The following WASHC5 variants were observed in gnomAD, a reference collection of about 807,000 sequenced individuals.
The protein encoded by WASHC5 is WASH complex subunit strumpellin.
In WASHC5, 101 loss-of-function variants were observed where a neutral mutation model predicts 150.4. The observed-to-expected ratio is 0.67, with a 90% CI of 0.57 to 0.79. The LOEUF (loss-of-function observed/expected upper bound fraction) is 0.79, where lower values mean the gene tolerates loss of function less well. Among genes scored for constraint, WASHC5 ranks in the 30% least tolerant of loss-of-function variants. The probability of loss-of-function intolerance (pLI) is 0.00; values close to 1 mark genes in which losing one functional copy is unlikely to be tolerated. For missense variants in WASHC5, 1,195 were observed against 1,396.3 expected (o/e 0.86, Z 2.30); for synonymous variants, 467 against 491.2 (o/e 0.95, Z 0.65).
intron 9 of WASHC5, among the ~76,000 whole-genome samples, chr8:125,071,726 T>C (rs995678577): frequency 2.0e-5 from 3 of 152,180 alleles, no homozygotes; most frequent in Admixed American, 1.3e-4. Context: ...GACCTTGAAT[T>C]AGTTTCCCGC....
At position 125,032,310 on chromosome 8, in the gene WASHC5, GA is replaced by G. The variant is rs1815566160; in HGVS notation, c.3265del (p.Ser1089ProfsTer10). On this transcript the variant is annotated frameshift_variant, in exon 27 of 29. Transcript: ENST00000318410. LOFTEE classifies it high-confidence loss of function. ...GLLTLLKQFHSRYTEQFLALI... is the reference protein window; with the variant it reads ...GLLTLLKQFHXRYTEQFLALI... Reference sequence around the variant, plus strand: ...CGCCAGGAACTGCTCGGTGTACCGGGAATGGAACTGCTTCAGCAGAGTGAGC... The same window carrying G: ...CGCCAGGAACTGCTCGGTGTACCGGGATGGAACTGCTTCAGCAGAGTGAGC... The G allele has an allele frequency of 6.2e-7, 1 of 1,614,168 alleles. No individual in the cohort carries two copies. Among genetic ancestry groups the G allele is most frequent in the African/African-American group, 1.3e-5 (1 of 75,044 alleles).
chr8:125,060,223 A>C (rs940323462), intron 12 of WASHC5, among the ~76,000 whole-genome samples: 2 of 151,972 alleles, frequency 1.3e-5, no homozygotes, highest in African/African-American at 4.9e-5. Context: ...ACGGTGGCTC[A>C]TGCCTGTAAT....
rs934414576 is a variant in WASHC5 at position 125,037,286 on chromosome 8, A to C, written c.3132T>G (p.Phe1044Leu). ...KRLPYFPIVN[F>L]LFLIAQLPKL... ...TTGGCAACTGAGCGATCAAAAATAG[A>C]AAGTTTACAATTGGAAAATAGGGTA... is the stretch of plus-strand genomic sequence containing the variant. The change falls in exon 26 of 29, where the codon TTT (phenylalanine) becomes TTG (leucine). Residue 1044 changes from phenylalanine (F) to leucine (L), a missense_variant. By Grantham distance (22) the Phe-to-Leu change is conservative. This residue lies in a region of WASHC5 where 997 missense variants were observed against 1,168.1 expected (regional missense o/e 0.85). Transcript: ENST00000318410. The C allele has an allele frequency of 2.5e-6, 4 of 1,612,828 alleles. No homozygotes were observed. The highest frequency in any genetic ancestry group is 3.4e-6 in the Non-Finnish European group (4 of 1,178,904).
chr8:125,048,564 A>G (rs192935263), intron 19 of WASHC5, among the ~76,000 whole-genome samples: 11 of 152,310 alleles, frequency 7.2e-5, no homozygotes. Context: ...GACGTGGAGA[A>G]ACTGGAACCC....
At chr8:125,042,071 A>G (rs919874288) in intron 23 of WASHC5, among the ~76,000 whole-genome samples, 6 of 152,174 alleles carry the variant, frequency 3.9e-5, no homozygotes, top group Non-Finnish European at 8.8e-5. Flanking sequence ...TGCACAATGA[A>G]TCTTTGTTAG....
At chr8:125,053,783 T>C (rs1816320145) in intron 17 of WASHC5, among the ~76,000 whole-genome samples, 1 of 152,072 alleles carries the variant, frequency 6.6e-6, no homozygotes, top group Non-Finnish European at 1.5e-5. Flanking sequence ...AAAAGCACCA[T>C]AAACTATATG....
intron 4 of WASHC5, 110 bp downstream of exon 4, chr8:125,082,273 G>T: frequency 1.4e-6 from 1 of 692,320 alleles, no homozygotes; most frequent in Non-Finnish European, 2.6e-6. Flanking sequence ...AGCTCATTTC[G>T]CTTCTCTTTA....
At chr8:125,073,759 G>C (rs1049535257) in intron 8 of WASHC5, among the ~76,000 whole-genome samples, 2 of 152,216 alleles carry the variant, frequency 1.3e-5, no homozygotes, top group Non-Finnish European at 2.9e-5. Context: ...AGAATTCTGA[G>C]ACTACATCCT....
At chr8:125,038,746 G>T in intron 25 of WASHC5, 84 bp downstream of exon 25, 3 of 1,528,040 alleles carry the variant, frequency 2.0e-6, no homozygotes, top group Non-Finnish European at 2.7e-6. Context: ...AGGTTCCTCT[G>T]GTATTTCTGC....
chr8:125,039,393 GGAT>G (rs1266250723), intron 24 of WASHC5, among the ~76,000 whole-genome samples: 9 of 152,116 alleles, frequency 5.9e-5, no homozygotes, highest in African/African-American at 2.2e-4. Context: ...ACTGCCCTCT[GGAT>G]GATGAGTGAT....
chr8:125,047,399 T>A, intron 19 of WASHC5, 68 bp from the exon 20 acceptor site: 1 of 1,489,842 alleles, frequency 6.7e-7, no homozygotes. Context: ...CTTTTCCATA[T>A]AATTTTACAA....
intron 11 of WASHC5, among the ~76,000 whole-genome samples, chr8:125,061,817 A>C (rs1195858155): frequency 6.6e-6 from 1 of 152,194 alleles, no homozygotes; most frequent in Non-Finnish European, 1.5e-5. Flanking sequence ...CAAAGTTCTA[A>C]GTATTTGATC....
At chr8:125,037,483 G>C (rs1815749537) in intron 25 of WASHC5, 150 bp from the exon 26 acceptor site, 4 of 661,300 alleles carry the variant, frequency 6.0e-6, no homozygotes, top group African/African-American at 1.8e-5. Context: ...GCTGCCTTCA[G>C]AGTTTTATTT....
rs576595310 is a variant in WASHC5 at position 125,037,211 on chromosome 8, T to C, written c.3181+26A>G. ...GTTAATCTGTTGGTATTGTTACTCA[T>C]TGCAAATAATAAATGTTATACGTAC... is the stretch of plus-strand genomic sequence containing the variant. On this transcript the variant is annotated intron_variant, in intron 26 of 28. Transcript: ENST00000318410. 92 of 1,296,452 alleles carry C rather than the reference T, an allele frequency of 7.1e-5. 3 individuals carry two copies. The South Asian group carries it at 1.0e-3, about 15-fold the overall frequency. The allele number at this position is 1,296,452 out of a possible 1,614,324, so 80.3% of individuals were successfully genotyped here.
intron 27 of WASHC5, among the ~76,000 whole-genome samples, chr8:125,030,264 C>G (rs2129954646): frequency 6.6e-6 from 1 of 152,340 alleles, no homozygotes; most frequent in East Asian, 1.9e-4. Flanking sequence ...CTCTGGGAGC[C>G]TGGGCCAGAG....
intron 9 of WASHC5, among the ~76,000 whole-genome samples, chr8:125,070,484 TAGAC>T (rs1423098587): frequency 5.3e-5 from 8 of 152,120 alleles, no homozygotes; most frequent in Non-Finnish European, 1.0e-4. Context: ...TTTCCGAACA[TAGAC>T]AGGGCCGTCA....
chr8:125,037,154 G>A (rs552236434), intron 26 of WASHC5, 83 bp downstream of exon 26: 66 of 822,244 alleles, frequency 8.0e-5, no homozygotes, highest in Non-Finnish European at 1.3e-4. Flanking sequence ...ATCCGACATA[G>A]GCATTCTATA....
At chr8:125,071,825 G>T (rs1304761621) in intron 9 of WASHC5, among the ~76,000 whole-genome samples, 2 of 152,166 alleles carry the variant, frequency 1.3e-5, no homozygotes, top group African/African-American at 4.8e-5. Context: ...ATCTGAGATG[G>T]GGCTCACTGG....
At chr8:125,045,183 G>A (rs1219425893) in intron 20 of WASHC5, among the ~76,000 whole-genome samples, 1 of 152,200 alleles carries the variant, frequency 6.6e-6, no homozygotes, top group Non-Finnish European at 1.5e-5. Flanking sequence ...TTTCCTCCCA[G>A]TTCCTTAAAC....
Sources: gnomAD v4.1 joint callset for allele counts (sites outside exome capture counted in the v4.1 genomes callset) on GRCh38, gnomAD v4.1.1 for gene constraint, gnomAD v4.1.1 regional missense constraint, MANE v1.5 for transcripts, NCBI Gene and HGNC (gene_info 2026-07-23, HGNC 2026-07-21) for gene names.